Variants in NUP85 observed in about 807,000 individuals in gnomAD.
The protein encoded by NUP85 is nucleoporin 85, also known as nuclear pore complex protein Nup85.
In NUP85, 23 loss-of-function variants were observed where a neutral mutation model predicts 92.8. The observed-to-expected ratio is 0.25, with a 90% CI of 0.18 to 0.35. The LOEUF (loss-of-function observed/expected upper bound fraction) is 0.35. Ranked by LOEUF, NUP85 falls within the 10% of genes least tolerant of loss-of-function variation. NUP85 has a pLI of 1.00. For missense variants in NUP85, 759 were observed against 822.8 expected (o/e 0.92, Z 0.95); for synonymous variants, 314 against 306.9 (o/e 1.02, Z -0.24).
intron 16 of NUP85, among the ~76,000 whole-genome samples, chr17:75,234,216 T>A (rs938740206): frequency 1.3e-5 from 2 of 151,686 alleles, no homozygotes; most frequent in African/African-American, 4.9e-5. Flanking sequence ...CATACCCGGC[T>A]AATTTTTGTA....
At chr17:75,225,292 A>C (rs1226832086) in intron 8 of NUP85, 50 bp from the exon 9 acceptor site, 1 of 1,612,504 alleles carries the variant, frequency 6.2e-7, no homozygotes, top group Non-Finnish European at 8.5e-7. Context: ...GATTCACTAA[A>C]TATAAAGGGT....
intron 3 of NUP85, among the ~76,000 whole-genome samples, chr17:75,211,431 T>C (rs1350520855): frequency 3.1e-4 from 1 of 3,186 alleles, no homozygotes; most frequent in Admixed American, 8.2e-3. Flanking sequence ...GTCTTATTCT[T>C]TTTTTTTTTT....
intron 9 of NUP85, 98 bp downstream of exon 9, chr17:75,225,562 GCTGT>G (rs2075760369): frequency 3.2e-6 from 5 of 1,571,144 alleles, no homozygotes; most frequent in Non-Finnish European, 4.3e-6. Context: ...CTTGGATAGG[GCTGT>G]CTGTCGCTCT....
intron 3 of NUP85, among the ~76,000 whole-genome samples, chr17:75,211,523 T>C (rs2075260425): frequency 6.6e-6 from 1 of 150,544 alleles, no homozygotes; most frequent in African/African-American, 2.5e-5. Context: ...GCCTGCCGGG[T>C]TCAAGAGATT....
chr17:75,231,729 C>T lies in NUP85; in HGVS notation c.1244+91C>T. On this transcript the variant is annotated intron_variant, in intron 13 of 18. Coordinates refer to ENST00000245544, the MANE Select transcript of NUP85 (RefSeq NM_024844.5). The surrounding 1 kb of genome is among the most constrained non-coding windows in gnomAD (Gnocchi z 4.6). ...TGGACTGTTCTCTCCCAGTTGGCTC[C>T]TTGAAGGCTTCGGAAGGGTCAGTGA... 2 of 1,604,772 alleles carry T rather than the reference C, an allele frequency of 1.2e-6. No individual in the cohort carries two copies. Among genetic ancestry groups the T allele is most frequent in the South Asian group, 1.1e-5 (1 of 90,822 alleles).
At chr17:75,230,147 G>A (rs898069551) in intron 11 of NUP85, among the ~76,000 whole-genome samples, 3 of 151,036 alleles carry the variant, frequency 2.0e-5, no homozygotes, top group Admixed American at 6.6e-5. Context: ...GGGCTCAAGC[G>A]ATCTTCTGCC....
intron 2 of NUP85, 101 bp from the exon 3 acceptor site, chr17:75,209,722 A>C: frequency 1.1e-6 from 1 of 940,582 alleles, no homozygotes; most frequent in East Asian, 3.0e-5. Context: ...GATTATAGGC[A>C]AGAGCCACCA....
At chr17:75,226,222 T>C in intron 11 of NUP85, 65 bp downstream of exon 11, 1 of 1,363,466 alleles carries the variant, frequency 7.3e-7, no homozygotes, top group Non-Finnish European at 1.0e-6. Context: ...ACCTTGCGTT[T>C]CTAGAGTGGC....
intron 6 of NUP85, 90 bp downstream of exon 6, chr17:75,215,913 T>C: frequency 8.9e-7 from 1 of 1,125,656 alleles, no homozygotes; most frequent in East Asian, 2.4e-5. Flanking sequence ...GTGATGAGTG[T>C]TTTATTCCTG....
chr17:75,225,781 G>A lies in NUP85; in HGVS notation c.939G>A (p.Leu313=), dbSNP rs199743743. ...NWYHFLVTRL[L]YSNPTVKPID... The stretch of plus-strand genomic sequence containing the variant: ...ATCATTTCCTAGTGACTCGGCTCTT[G>A]TACTCCAATCCCACAGTAAAACCCA... Residue 313 remains leucine, a synonymous_variant, in exon 10 of 19, where the codon TTG becomes TTA. Transcript: ENST00000245544. 9 of 1,613,138 alleles carry A rather than the reference G, an allele frequency of 5.6e-6. No homozygotes were observed. The East Asian group carries it at 1.1e-4, about 20-fold the overall frequency.
In NUP85 at chr17:75,235,136, C is replaced by T. The variant is rs775167109; in HGVS notation, c.1804C>T (p.Arg602Trp). Residue 602 changes from arginine to tryptophan, a missense_variant, in exon 18 of 19, where the codon CGG (arginine) becomes TGG (tryptophan). Arg to Trp is a moderately radical substitution (Grantham distance 101). Coordinates refer to ENST00000245544, the MANE Select transcript of NUP85 (RefSeq NM_024844.5). ...FSAEQTYELMRCLEDLTSRRP... is the reference protein window; with the variant it reads ...FSAEQTYELMWCLEDLTSRRP... The stretch of plus-strand genomic sequence containing the variant: ...AGCAGAACAGACTTATGAGTTGATG[C>T]GGTGTCTGGAGGACTTGACGTCAAG... 27 of 1,613,882 alleles carry T rather than the reference C, an allele frequency of 1.7e-5. No individual in the cohort carries two copies. The highest frequency in any genetic ancestry group is 6.7e-5 in the East Asian group (3 of 44,886).
intron 3 of NUP85, among the ~76,000 whole-genome samples, chr17:75,211,112 C>T (rs113001106): frequency 0.06 from 9,009 of 150,328 alleles, 716 homozygotes; most frequent in African/African-American, 0.17. Flanking sequence ...AAGCCATTCT[C>T]CTGCCTCAGC....
intron 11 of NUP85, among the ~76,000 whole-genome samples, chr17:75,227,739 G>C (rs1221917107): frequency 1.3e-5 from 2 of 152,078 alleles, no homozygotes; most frequent in Non-Finnish European, 2.9e-5. Context: ...CTGGGTTCAA[G>C]TGATCCTCTT....
At position 75,210,548 on chromosome 17, in the gene NUP85, G is replaced by A. The variant is rs150440891; in HGVS notation, c.290+563G>A. Among the ~76,000 whole-genome samples the A allele has an allele frequency of 2.0e-5, 3 of 152,300 alleles. No individual in the cohort carries two copies. In the East Asian group the frequency reaches 5.8e-4, roughly 29 times the overall value. ...AGCACACTGAAGTTTAAGAACTCCT[G>A]TGTTAGATTTTTGTCAGCGTCCCTT... On this transcript the variant is annotated intron_variant, in intron 3 of 18. Coordinates refer to ENST00000245544, the MANE Select transcript of NUP85 (RefSeq NM_024844.5).
intron 5 of NUP85, among the ~76,000 whole-genome samples, chr17:75,213,822 G>T (rs2075344163): frequency 6.6e-6 from 1 of 151,368 alleles, no homozygotes; most frequent in Admixed American, 6.6e-5. Flanking sequence ...CCAAAGTGCT[G>T]GGATTATAGG....
Position 75,231,005 on chromosome 17 carries a change from G to A in NUP85, c.1095-335G>A, listed in dbSNP as rs1183165340. On this transcript the variant is annotated intron_variant, in intron 11 of 18. Coordinates refer to ENST00000245544, the MANE Select transcript of NUP85 (RefSeq NM_024844.5). This position sits in a 1 kb window ranked among gnomAD's most constrained non-coding sequence, Gnocchi z 4.6. Reference sequence around the variant, plus strand: ...GGAGTGCGGTGGCGTGATCTCGGCCGATTGCAGCCTCTGCTTCCCAGGCTC... The same window carrying A: ...GGAGTGCGGTGGCGTGATCTCGGCCAATTGCAGCCTCTGCTTCCCAGGCTC... 3 of 281,416 alleles carry A rather than the reference G, an allele frequency of 1.1e-5. No homozygotes were observed. The highest frequency in any genetic ancestry group is 2.1e-5 in the Non-Finnish European group (3 of 144,346). The allele number at this position is 281,416 out of a possible 1,614,324, so 17.4% of individuals were successfully genotyped here.
intron 17 of NUP85, 83 bp from the exon 18 acceptor site, chr17:75,235,017 A>G (rs2076276310): frequency 8.5e-7 from 1 of 1,175,062 alleles, no homozygotes; most frequent in Non-Finnish European, 1.3e-6. Context: ...TATGAAAGGA[A>G]GAACGTCCGA....
Position 75,235,075 on chromosome 17 carries a change from A to G in NUP85, c.1768-25A>G, listed in dbSNP as rs911914244. ...ATGCAGGCCAGGGCTGGGGGCAGCC[A>G]AGCAAGGCAGGCTCTCTTCCCTAGG... is the stretch of plus-strand genomic sequence containing the variant. On this transcript the variant is annotated intron_variant, in intron 17 of 18. Coordinates refer to ENST00000245544, the MANE Select transcript of NUP85 (RefSeq NM_024844.5). 5.0e-6 allele frequency: 8 copies of G among 1,593,156 alleles called. No individual in the cohort carries two copies. The Admixed American group carries it at 1.3e-4, about 27-fold the overall frequency.
intron 5 of NUP85, among the ~76,000 whole-genome samples, chr17:75,213,596 A>T (rs1305242573): frequency 6.6e-6 from 1 of 151,702 alleles, no homozygotes; most frequent in African/African-American, 2.4e-5. Flanking sequence ...CTGGCCCTGA[A>T]TGTTCCGTTC....
Sources: allele counts gnomAD v4.1 joint callset (sites outside exome capture counted in the v4.1 genomes callset), GRCh38; gene constraint gnomAD v4.1.1; non-coding constraint Gnocchi (gnomAD v3.1); transcripts MANE v1.5; gene names NCBI Gene and HGNC (gene_info 2026-07-23, HGNC 2026-07-21).